The following NEO1 variants were observed in gnomAD, a reference collection of about 807,000 sequenced individuals.
The protein encoded by NEO1 is neogenin 1, also known as neogenin.
NEO1 carries 63 observed loss-of-function variants against 159.7 expected under a neutral mutation model. The ratio of observed to expected loss-of-function variants is 0.39; its 90% CI spans 0.32 to 0.49. The LOEUF (loss-of-function observed/expected upper bound fraction) is 0.49, where lower values mean the gene tolerates loss of function less well. Among genes scored for constraint, NEO1 ranks in the 20% least tolerant of loss-of-function variants. The pLI is 0.85. For synonymous variants in NEO1, 633 were observed against 662.0 expected (o/e 0.96, Z 0.67); for missense variants, 1,615 against 1,831.0 (o/e 0.88, Z 2.15).
At chr15:73,236,206 T>C in intron 7 of NEO1, 141 bp from the exon 8 acceptor site, 1 of 1,134,520 alleles carries the variant, frequency 8.8e-7, no homozygotes, top group East Asian at 2.5e-5. Context: ...TATTTCTTTT[T>C]TGTTTTTTGT....
chr15:73,301,535 T>C (rs1439136955), intron 28 of NEO1, 78 bp downstream of exon 28: 2 of 1,594,036 alleles, frequency 1.3e-6, no homozygotes, highest in South Asian at 1.1e-5. Flanking sequence ...GTCAAGCTGA[T>C]AATCTGTGCA....
At chr15:73,293,631 G>T in intron 26 of NEO1, 83 bp downstream of exon 26, 1 of 1,401,298 alleles carries the variant, frequency 7.1e-7, no homozygotes, top group Non-Finnish European at 9.6e-7. Context: ...GCCCTACTTA[G>T]AAGAGGGATT....
intron 1 of NEO1, among the ~76,000 whole-genome samples, chr15:73,091,383 CTT>C (rs35876706): frequency 8.6e-5 from 13 of 151,672 alleles, no homozygotes; most frequent in African/African-American, 2.9e-4. Context: ...TTTATACAAA[CTT>C]TTTTTTTCCA....
In NEO1 at chr15:73,302,780, G is replaced by T; in HGVS notation, c.*84G>T. On this transcript the variant is annotated 3_prime_UTR_variant, in exon 29 of 29. Coordinates refer to ENST00000261908, the MANE Select transcript of NEO1 (RefSeq NM_002499.4). Reference sequence around the variant, plus strand: ...GAAAACAAGGAATTGTACAGAGTACGAGAGGACAGCACTTGAGAACACAGA... The same window carrying T: ...GAAAACAAGGAATTGTACAGAGTACTAGAGGACAGCACTTGAGAACACAGA... 4.0e-6 allele frequency: 5 copies of T among 1,258,992 alleles called. No homozygotes were observed. Among genetic ancestry groups the T allele is most frequent in the African/African-American group, 1.5e-5 (1 of 67,522 alleles). 78.0% of individuals were successfully genotyped at this position (1,258,992 alleles called of 1,614,324 possible).
chr15:73,279,306 A>G (rs570713308), intron 22 of NEO1, among the ~76,000 whole-genome samples: 2 of 147,464 alleles, frequency 1.4e-5, no homozygotes, highest in Non-Finnish European at 3.0e-5. Flanking sequence ...TCTTTCATTC[A>G]TGTATTCACT....
At chr15:73,108,533 C>G (rs2070804080) in intron 1 of NEO1, among the ~76,000 whole-genome samples, 1 of 151,990 alleles carries the variant, frequency 6.6e-6, no homozygotes, top group South Asian at 2.1e-4. Flanking sequence ...CTATAGGACA[C>G]TGAAAAAGGA....
intron 1 of NEO1, among the ~76,000 whole-genome samples, chr15:73,070,367 A>G (rs1414285144): frequency 1.3e-5 from 2 of 152,246 alleles, no homozygotes; most frequent in African/African-American, 4.8e-5. Flanking sequence ...GATATCATGA[A>G]CTATATTTTA....
chr15:73,176,253 A>G, intron 5 of NEO1, 150 bp from the exon 6 acceptor site: 2 of 400,796 alleles, frequency 5.0e-6, no homozygotes, highest in Non-Finnish European at 8.7e-6. Flanking sequence ...TTTTTATTAT[A>G]TATTTATTTT....
chr15:73,232,643 G>T (rs1182448376), intron 7 of NEO1, among the ~76,000 whole-genome samples: 1 of 152,166 alleles, frequency 6.6e-6, no homozygotes, highest in Non-Finnish European at 1.5e-5. Context: ...TAGGATATGT[G>T]CAGAGGTTAC....
At chr15:73,070,319 G>T (rs2068469570) in intron 1 of NEO1, among the ~76,000 whole-genome samples, 1 of 152,096 alleles carries the variant, frequency 6.6e-6, no homozygotes. Context: ...CACTTGTTCA[G>T]GTGTTAGAAC....
At chr15:73,275,009 T>C (rs917599972) in intron 21 of NEO1, among the ~76,000 whole-genome samples, 1 of 152,148 alleles carries the variant, frequency 6.6e-6, no homozygotes, top group African/African-American at 2.4e-5. Flanking sequence ...TGCTGAGATA[T>C]TGAAGTTCTG....
At chr15:73,177,424 AG>A (rs1439312408) in intron 6 of NEO1, among the ~76,000 whole-genome samples, 1 of 152,226 alleles carries the variant, frequency 6.6e-6, no homozygotes, top group Non-Finnish European at 1.5e-5. Flanking sequence ...TGTTGCAAAA[AG>A]TAATTTACAA....
intron 1 of NEO1, among the ~76,000 whole-genome samples, chr15:73,097,222 T>C (rs1223899588): frequency 6.6e-6 from 1 of 152,218 alleles, no homozygotes; most frequent in Non-Finnish European, 1.5e-5. Flanking sequence ...GTTGGTATCA[T>C]TGCTTACAAA....
intron 9 of NEO1, among the ~76,000 whole-genome samples, chr15:73,245,557 A>G (rs2039744242): frequency 6.7e-6 from 1 of 150,324 alleles, no homozygotes; most frequent in Non-Finnish European, 1.5e-5. Context: ...AACACAAATT[A>G]CTGTTTTTCC....
At position 73,298,587 on chromosome 15, in the gene NEO1, A is replaced by T; in HGVS notation, c.4141A>T (p.Ser1381Cys). 6.2e-7 allele frequency: 1 copy of T among 1,614,198 alleles called. No homozygotes were observed. Among genetic ancestry groups the T allele is most frequent in the Non-Finnish European group, 8.5e-7 (1 of 1,180,034 alleles). ...GPPTYDPALP[S>C]TPLLSQQALN... ...TCCCACCTATGATCCTGCATTGCCA[A>T]GCACACCATTACTGTCCCAGCAAGG... The change falls in exon 27 of 29, where the codon AGC becomes TGC. Residue 1381 changes from serine to cysteine, a missense_variant. Physicochemically the swap from Ser to Cys is moderately radical, Grantham distance 112. Transcript: ENST00000261908.
intron 5 of NEO1, among the ~76,000 whole-genome samples, chr15:73,139,579 G>A (rs991235282): frequency 5.3e-5 from 8 of 152,200 alleles, no homozygotes; most frequent in African/African-American, 1.9e-4. Flanking sequence ...ACTTGACAGA[G>A]ATCTTTATCT....
Position 73,176,468 on chromosome 15 carries a change from G to C in NEO1, c.1081G>C (p.Glu361Gln). The C allele has an allele frequency of 6.2e-7, 1 of 1,610,700 alleles. No individual in the cohort carries two copies. Among genetic ancestry groups the C allele is most frequent in the Non-Finnish European group, 8.5e-7 (1 of 1,178,006 alleles). ...TCACGAATCTATGGATATTGTATTT[G>C]AATGTGAAGTGACTGGAAAACCAAC... Reference protein sequence around the residue: ...YAHESMDIVFECEVTGKPTPT... With the variant: ...YAHESMDIVFQCEVTGKPTPT... The change falls in exon 6 of 29, where the codon GAA becomes CAA. Residue 361 changes from glutamate (E) to glutamine (Q), a missense_variant. By Grantham distance (29) the Glu-to-Gln change is conservative (BLOSUM62 2). Transcript: ENST00000261908.
At chr15:73,148,509 C>A (rs1279965073) in intron 5 of NEO1, among the ~76,000 whole-genome samples, 1 of 152,138 alleles carries the variant, frequency 6.6e-6, no homozygotes, top group Non-Finnish European at 1.5e-5. Flanking sequence ...CAGGTTTCTT[C>A]ATTTTGTATT....
intron 7 of NEO1, among the ~76,000 whole-genome samples, chr15:73,207,149 G>A (rs1385439622): frequency 1.3e-5 from 2 of 152,168 alleles, no homozygotes; most frequent in Non-Finnish European, 2.9e-5. Flanking sequence ...GAATAGATTT[G>A]TTACTATTAG....
Sources: allele counts gnomAD v4.1 joint callset (sites outside exome capture counted in the v4.1 genomes callset), GRCh38; gene constraint gnomAD v4.1.1; transcripts MANE v1.5; gene names NCBI Gene and HGNC (gene_info 2026-07-23, HGNC 2026-07-21).